MAP3K4: variants seen among roughly 807,000 people sequenced by gnomAD.
MAP3K4 encodes the protein MAP three kinase 1.
A neutral mutation model predicts 185.6 loss-of-function variants in MAP3K4; 67 were observed. That is an observed-to-expected ratio of 0.36 (90% CI 0.30 to 0.44). The LOEUF (loss-of-function observed/expected upper bound fraction) is 0.44. Ranked by LOEUF, MAP3K4 falls within the 20% of genes least tolerant of loss-of-function variation. MAP3K4 has a pLI of 1.00. For synonymous variants in MAP3K4, 702 were observed against 710.4 expected (o/e 0.99, Z 0.19); for missense variants, 1,551 against 1,995.1 (o/e 0.78, Z 4.24).
intron 1 of MAP3K4, among the ~76,000 whole-genome samples, chr6:161,028,682 G>A (rs1410935343): frequency 6.6e-6 from 1 of 150,950 alleles, no homozygotes; most frequent in African/African-American, 2.4e-5. Flanking sequence ...ATCTACATTT[G>A]TTTTAAAAAG....
At position 161,051,180 on chromosome 6, in the gene MAP3K4, A is replaced by G. The variant is rs531719991; in HGVS notation, c.1707+1201A>G. ...TTCTGATCTGCAGTTGGTTGAATTC[A>G]TGGATGTGGAACCCACGGATATGGA... On this transcript the variant is annotated intron_variant, in intron 3 of 26. Transcript: ENST00000392142. The surrounding 1 kb of genome is among the most constrained non-coding windows in gnomAD (Gnocchi z 4.2). Among the ~76,000 whole-genome samples, 2 of 152,350 alleles carry G rather than the reference A, an allele frequency of 1.3e-5. No individual in the cohort carries two copies. Among genetic ancestry groups the G allele is most frequent in the South Asian group, 4.1e-4 (2 of 4,826 alleles).
rs1412647850 is a variant in MAP3K4 at position 161,022,160 on chromosome 6, T to A, written c.153-12099T>A. ...AAGGAACGGAGACTCAAGCCTGATC[T>A]GATGAGGCTGTGTTAGAAGTGCTGC... On this transcript the variant is annotated intron_variant, in intron 1 of 26. Transcript: ENST00000392142. This position sits in a 1 kb window ranked among gnomAD's most constrained non-coding sequence, Gnocchi z 4.2. 2 of 152,244 alleles carry A rather than the reference T, an allele frequency of 1.3e-5. No individual in the cohort carries two copies. The highest frequency in any genetic ancestry group is 4.8e-5 in the African/African-American group (2 of 41,456). The allele number at this position is 152,244 out of a possible 1,614,324, so 9.4% of individuals were successfully genotyped here.
chr6:161,086,535 T>C lies in MAP3K4; in HGVS notation c.2473-49T>C. ...TTTTTCTTGTTTTTCTTTTATCTTATTTTTTTAATGCTAACCGTAAAGAAG... is the reference window on the plus strand; with the variant it reads ...TTTTTCTTGTTTTTCTTTTATCTTACTTTTTTAATGCTAACCGTAAAGAAG... On this transcript the variant is annotated intron_variant, in intron 8 of 26. Coordinates refer to ENST00000392142, the MANE Select transcript of MAP3K4 (RefSeq NM_005922.4). This position sits in a 1 kb window ranked among gnomAD's most constrained non-coding sequence, Gnocchi z 4.8. 1.3e-6 allele frequency: 2 copies of C among 1,599,304 alleles called. No individual in the cohort carries two copies. Among genetic ancestry groups the C allele is most frequent in the Non-Finnish European group, 1.7e-6 (2 of 1,169,948 alleles).
At chr6:160,997,196 C>G (rs1486284555) in intron 1 of MAP3K4, among the ~76,000 whole-genome samples, 1 of 151,988 alleles carries the variant, frequency 6.6e-6, no homozygotes, top group African/African-American at 2.4e-5. Context: ...AATGGTGAGT[C>G]TCAGAGGATC....
chr6:161,093,139 T>C lies in MAP3K4; in HGVS notation c.3348+83T>C. 1 of 912,864 alleles carries C rather than the reference T, an allele frequency of 1.1e-6. No homozygotes were observed. Among genetic ancestry groups the C allele is most frequent in the South Asian group, 1.5e-5 (1 of 65,848 alleles). 56.5% of individuals were successfully genotyped at this position (912,864 alleles called of 1,614,324 possible). ...CTGGTTGTATATGTTTTATATGTAA[T>C]AGTGGTTTTTTTCATGAGATATTAA... On this transcript the variant is annotated intron_variant, in intron 14 of 26. Transcript: ENST00000392142. The surrounding 1 kb of genome is among the most constrained non-coding windows in gnomAD (Gnocchi z 5.2).
chr6:161,025,252 C>T (rs551566395), intron 1 of MAP3K4, among the ~76,000 whole-genome samples: 3 of 152,180 alleles, frequency 2.0e-5, no homozygotes, highest in Non-Finnish European at 4.4e-5. Context: ...CTTCCTTGCC[C>T]TAGTCCCACA....
At chr6:161,040,942 T>G (rs1216523629) in intron 2 of MAP3K4, among the ~76,000 whole-genome samples, 2 of 152,222 alleles carry the variant, frequency 1.3e-5, no homozygotes, top group Non-Finnish European at 2.9e-5. Flanking sequence ...GCAGGTGCAG[T>G]TAACCTCCCT....
intron 2 of MAP3K4, among the ~76,000 whole-genome samples, chr6:161,036,131 G>C (rs970385063): frequency 6.6e-6 from 1 of 152,160 alleles, no homozygotes; most frequent in African/African-American, 2.4e-5. Flanking sequence ...TGTCCTGCTG[G>C]TCTGTGCGAG....
At chr6:161,078,438 G>A (rs950766849) in intron 5 of MAP3K4, among the ~76,000 whole-genome samples, 1 of 152,338 alleles carries the variant, frequency 6.6e-6, no homozygotes, top group Middle Eastern at 3.4e-3. Context: ...CTGAACTGAA[G>A]CCAGAGGAAA....
chr6:161,040,390 G>T (rs1183255407), intron 2 of MAP3K4, among the ~76,000 whole-genome samples: 1 of 152,052 alleles, frequency 6.6e-6, no homozygotes, highest in East Asian at 1.9e-4. Context: ...GTATTTAATT[G>T]AATGCAACTA....
chr6:161,086,496 A>G lies in MAP3K4; in HGVS notation c.2472+18A>G, dbSNP rs1201831365. On this transcript the variant is annotated intron_variant, in intron 8 of 26. Coordinates refer to ENST00000392142, the MANE Select transcript of MAP3K4 (RefSeq NM_005922.4). This position sits in a 1 kb window ranked among gnomAD's most constrained non-coding sequence, Gnocchi z 4.8. ...TGAGAAAGGTGAGCTTGCAATCCTG[A>G]TTAATTAGTACCTTTTTTCTTGTTT... The G allele has an allele frequency of 6.2e-7, 1 of 1,606,982 alleles. No homozygotes were observed. The highest frequency in any genetic ancestry group is 2.2e-5 in the East Asian group (1 of 44,830).
chr6:161,072,407 C>T (rs1169386553), intron 4 of MAP3K4, among the ~76,000 whole-genome samples: 1 of 152,158 alleles, frequency 6.6e-6, no homozygotes, highest in African/African-American at 2.4e-5. Flanking sequence ...TACATAACTT[C>T]CTACACATAC....
chr6:161,087,702 G>A lies in MAP3K4; in HGVS notation c.2571G>A (p.Gly857=). The A allele has an allele frequency of 1.2e-6, 2 of 1,614,046 alleles. No individual in the cohort carries two copies. Among genetic ancestry groups the A allele is most frequent in the Non-Finnish European group, 1.7e-6 (2 of 1,180,008 alleles). Residue 857 remains glycine (G), a synonymous_variant, in exon 10 of 27, where the codon GGG becomes GGA. Transcript: ENST00000392142. The surrounding 1 kb of genome is among the most constrained non-coding windows in gnomAD (Gnocchi z 4.9). ...SKQYVKVQIP[G]LENLQMFVPD... The stretch of plus-strand genomic sequence containing the variant: ...GTCTTTTGCAGGTGCAAATTCCTGG[G>A]TTAGAAAACTTGCAAATGTTTGTTC...
Position 161,074,913 on chromosome 6 carries a change from C to T in MAP3K4, c.2097+1301C>T, listed in dbSNP as rs896068203. On this transcript the variant is annotated intron_variant, in intron 5 of 26. Coordinates refer to ENST00000392142, the MANE Select transcript of MAP3K4 (RefSeq NM_005922.4). This position sits in a 1 kb window ranked among gnomAD's most constrained non-coding sequence, Gnocchi z 5.0. ...TAGGAGCTCTCCTGGCAACCCCACC[C>T]AGCACATTTCCCCTGCCTTTTGTTG... 6.6e-6 allele frequency among the ~76,000 whole-genome samples: 1 copy of T among 152,178 alleles called. No homozygotes were observed. The highest frequency in any genetic ancestry group is 2.4e-5 in the African/African-American group (1 of 41,444).
chr6:161,027,793 AC>A (rs1332198503), intron 1 of MAP3K4, among the ~76,000 whole-genome samples: 1 of 152,198 alleles, frequency 6.6e-6, no homozygotes, highest in Non-Finnish European at 1.5e-5. Context: ...TAAAATAAAA[AC>A]CATTTATTAG....
rs117464875 is a variant in MAP3K4, at chr6:161,050,050, G to A, written c.1707+71G>A. 634 of 1,411,034 alleles carry A rather than the reference G, an allele frequency of 4.5e-4. 1 individual carries two copies. In the East Asian group the frequency reaches 9.0e-3, roughly 20 times the overall value. 87.4% of individuals were successfully genotyped at this position (1,411,034 alleles called of 1,614,324 possible). On this transcript the variant is annotated intron_variant, in intron 3 of 26. Transcript: ENST00000392142. ...TTATTTATTGCAAATTATAATGTTGGTGTTATGTACTTTCATATTCTAATA... is the reference window on the plus strand; with the variant it reads ...TTATTTATTGCAAATTATAATGTTGATGTTATGTACTTTCATATTCTAATA...
intron 3 of MAP3K4, among the ~76,000 whole-genome samples, chr6:161,052,096 T>A (rs1317601195): frequency 2.0e-5 from 3 of 152,176 alleles, no homozygotes; most frequent in African/African-American, 7.2e-5. Flanking sequence ...GAGCAGCACA[T>A]GAGAAGAGGC....
At chr6:161,081,137 A>G (rs1165798646) in intron 6 of MAP3K4, 99 bp downstream of exon 6, 2 of 1,337,086 alleles carry the variant, frequency 1.5e-6, no homozygotes, top group Middle Eastern at 2.2e-4. Flanking sequence ...GTTTAGTTAC[A>G]TGAAAATTGC....
chr6:161,088,940 C>G lies in MAP3K4; in HGVS notation c.2824-382C>G, dbSNP rs758343292. ...ATTTCTTAATGTTTTATATAAGGCC[C>G]CTCATCTTATTTCTGTCTTATTCCT... is the stretch of plus-strand genomic sequence containing the variant. On this transcript the variant is annotated intron_variant, in intron 10 of 26. Coordinates refer to ENST00000392142, the MANE Select transcript of MAP3K4 (RefSeq NM_005922.4). This position sits in a 1 kb window ranked among gnomAD's most constrained non-coding sequence, Gnocchi z 4.5. 8.6e-5 allele frequency among the ~76,000 whole-genome samples: 13 copies of G among 151,940 alleles called. No homozygotes were observed. Among genetic ancestry groups the G allele is most frequent in the Non-Finnish European group, 1.6e-4 (11 of 68,014 alleles).
Sources: allele counts gnomAD v4.1 joint callset (sites outside exome capture counted in the v4.1 genomes callset), GRCh38; gene constraint gnomAD v4.1.1; non-coding constraint Gnocchi (gnomAD v3.1); transcripts MANE v1.5; gene names NCBI Gene and HGNC (gene_info 2026-07-23, HGNC 2026-07-21).